The following SDK2 variants were observed in gnomAD, a reference collection of about 807,000 sequenced individuals.
SDK2 encodes the protein protein sidekick-2.
In SDK2, 105 loss-of-function variants were observed where a neutral mutation model predicts 253.9. The ratio of observed to expected loss-of-function variants is 0.41; its 90% CI spans 0.35 to 0.49. The LOEUF (loss-of-function observed/expected upper bound fraction) is 0.49, where lower values mean the gene tolerates loss of function less well. Ranked by LOEUF, SDK2 falls within the 20% of genes least tolerant of loss-of-function variation. The pLI is 0.06. For missense variants in SDK2, 2,608 were observed against 3,003.0 expected (o/e 0.87, Z 3.07); for synonymous variants, 1,249 against 1,234.9 (o/e 1.01, Z -0.24).
intron 27 of SDK2, among the ~76,000 whole-genome samples, chr17:73,393,242 CAAAA>C (rs11443969): frequency 9.4e-5 from 8 of 85,544 alleles, no homozygotes; most frequent in African/African-American, 2.6e-4. Flanking sequence ...GATACTCTAT[CAAAA>C]AAAAAAAAAA....
At chr17:73,473,665 C>A (rs2063667407) in intron 2 of SDK2, among the ~76,000 whole-genome samples, 1 of 152,216 alleles carries the variant, frequency 6.6e-6, no homozygotes, top group Admixed American at 6.5e-5. Flanking sequence ...CCTTCCGGAG[C>A]ACCATCTCTG....
intron 1 of SDK2, among the ~76,000 whole-genome samples, chr17:73,590,734 T>G (rs565718587): frequency 3.3e-5 from 5 of 152,104 alleles, no homozygotes; most frequent in African/African-American, 9.6e-5. Flanking sequence ...AGGCCCTGAG[T>G]TTTGGGTTAA....
Position 73,379,308 on chromosome 17 carries a change from G to T in SDK2, c.4865-16C>A, listed in dbSNP as rs1314887721. The T allele has an allele frequency of 1.3e-6, 2 of 1,546,672 alleles. No individual in the cohort carries two copies. The highest frequency in any genetic ancestry group is 1.8e-6 in the Non-Finnish European group (2 of 1,142,032). On this transcript the variant is annotated splice_polypyrimidine_tract_variant and intron_variant, in intron 35 of 44. Transcript: ENST00000392650. The surrounding 1 kb of genome is among the most constrained non-coding windows in gnomAD (Gnocchi z 4.5). ...GCTGTGGGCACTGGAGGGCGTGCAG[G>T]GTAGGCAGTGAGCATGCGAGTAAAC...
chr17:73,358,630 G>A (rs947776957), intron 39 of SDK2, among the ~76,000 whole-genome samples: 16 of 152,138 alleles, frequency 1.1e-4, no homozygotes, highest in African/African-American at 3.6e-4. Flanking sequence ...AGAGGTGGGT[G>A]CGATGATGGC....
chr17:73,466,837 T>G (rs2145684078), intron 3 of SDK2, among the ~76,000 whole-genome samples: 1 of 150,614 alleles, frequency 6.6e-6, no homozygotes, highest in South Asian at 2.1e-4. Context: ...CTTGTTAACA[T>G]CAGAACTGAA....
intron 1 of SDK2, among the ~76,000 whole-genome samples, chr17:73,634,417 T>C (rs774829701): frequency 2.6e-5 from 4 of 152,264 alleles, no homozygotes; most frequent in Non-Finnish European, 5.9e-5. Context: ...ATAACATTAA[T>C]ACTTTCTGGC....
At chr17:73,624,840 T>C (rs897948683) in intron 1 of SDK2, among the ~76,000 whole-genome samples, 3 of 151,630 alleles carry the variant, frequency 2.0e-5, no homozygotes, top group East Asian at 3.9e-4. Flanking sequence ...CTAGGAGGAG[T>C]GGTTATTGAG....
chr17:73,392,362 C>T (rs748028795), intron 27 of SDK2, among the ~76,000 whole-genome samples: 15 of 151,972 alleles, frequency 9.9e-5, no homozygotes, highest in African/African-American at 2.7e-4. Context: ...CTCCGCCTCC[C>T]GGGTTCAAGC....
intron 18 of SDK2, among the ~76,000 whole-genome samples, chr17:73,410,686 A>G (rs2063118257): frequency 6.6e-6 from 1 of 152,196 alleles, no homozygotes; most frequent in African/African-American, 2.4e-5. Flanking sequence ...CATTTAGTGT[A>G]CTGCCTGGCC....
rs1395550121 is a variant in SDK2 at position 73,482,305 on chromosome 17, G to C, written c.225-10087C>G. On this transcript the variant is annotated intron_variant, in intron 2 of 44. Coordinates refer to ENST00000392650, the MANE Select transcript of SDK2 (RefSeq NM_001144952.2). The stretch of plus-strand genomic sequence containing the variant: ...AGAAGAAGAAGCAGGTCTGTCTCCT[G>C]TTGGTTCTGGTTCCTCATAGGGCTG... Among the ~76,000 whole-genome samples the C allele has an allele frequency of 2.0e-5, 3 of 151,666 alleles. No homozygotes were observed. The East Asian group carries it at 5.8e-4, about 29-fold the overall frequency.
In SDK2 at chr17:73,643,996, C is replaced by G. The variant is rs1432418719; in HGVS notation, c.64+29G>C. The G allele has an allele frequency of 6.5e-7, 1 of 1,529,260 alleles. No individual in the cohort carries two copies. The highest frequency in any genetic ancestry group is 1.4e-5 in the African/African-American group (1 of 72,492). 94.7% of individuals were successfully genotyped at this position (1,529,260 alleles called of 1,614,324 possible). A position where few individuals can be genotyped will look rare whatever the true frequency, so the allele number is the denominator to read the frequency against. Reference sequence around the variant, plus strand: ...CCCCGCCCACTCTCCCAGCCCCCTCCCTGTCCCCACGTGGGGGTCCCTCCT... The same window carrying G: ...CCCCGCCCACTCTCCCAGCCCCCTCGCTGTCCCCACGTGGGGGTCCCTCCT... On this transcript the variant is annotated intron_variant, in intron 1 of 44. Coordinates refer to ENST00000392650, the MANE Select transcript of SDK2 (RefSeq NM_001144952.2). This position sits in a 1 kb window ranked among gnomAD's most constrained non-coding sequence, Gnocchi z 6.9.
At chr17:73,493,012 T>C (rs979166355) in intron 2 of SDK2, among the ~76,000 whole-genome samples, 1 of 152,084 alleles carries the variant, frequency 6.6e-6, no homozygotes, top group Non-Finnish European at 1.5e-5. Flanking sequence ...AAGCGGGAGA[T>C]TCTCAGGGTA....
intron 11 of SDK2, 34 bp from the exon 12 acceptor site, chr17:73,430,647 G>T: frequency 7.0e-7 from 1 of 1,419,962 alleles, no homozygotes; most frequent in South Asian, 1.4e-5. Context: ...ATGGTGAGAA[G>T]AGGTGTGGGG....
At chr17:73,564,353 TAAA>T (rs1458835079) in intron 1 of SDK2, among the ~76,000 whole-genome samples, 1 of 152,212 alleles carries the variant, frequency 6.6e-6, no homozygotes, top group Non-Finnish European at 1.5e-5. Context: ...GCTTAGAGTA[TAAA>T]GTCCACTTGA....
In SDK2 at chr17:73,385,853, T is replaced by C. The variant is rs1327864201; in HGVS notation, c.4563A>G (p.Arg1521=). Residue 1521 remains arginine (R), a synonymous_variant, in exon 32 of 45, where the codon CGA becomes CGG. Transcript: ENST00000392650. The part of the protein sequence containing the change: ...TPHTTTSVLI[R]WQPPAEDKIN... ...CCTGCCCGCTGGGCCATACCTGCCA[T>C]CGGATTAGCACGGAGGTGGTGGTGT... 1.9e-6 allele frequency: 3 copies of C among 1,606,884 alleles called. No homozygotes were observed. The highest frequency in any genetic ancestry group is 1.3e-5 in the African/African-American group (1 of 74,902).
chr17:73,566,198 T>G (rs1250993503), intron 1 of SDK2, among the ~76,000 whole-genome samples: 3 of 152,044 alleles, frequency 2.0e-5, no homozygotes, highest in Non-Finnish European at 4.4e-5. Flanking sequence ...ACACATCTGC[T>G]CTCCCCTTCA....
At chr17:73,470,946 G>A (rs1288360527) in intron 3 of SDK2, among the ~76,000 whole-genome samples, 1 of 152,196 alleles carries the variant, frequency 6.6e-6, no homozygotes, top group Non-Finnish European at 1.5e-5. Flanking sequence ...TGAGGAAGCC[G>A]GGACAGGGCT....
intron 39 of SDK2, among the ~76,000 whole-genome samples, chr17:73,358,824 C>A (rs1300399351): frequency 2.0e-5 from 3 of 152,078 alleles, no homozygotes; most frequent in Non-Finnish European, 2.9e-5. Context: ...GGCCTTGGGG[C>A]CTGTGCTGCT....
chr17:73,565,324 AC>A (rs2045296523), intron 1 of SDK2, among the ~76,000 whole-genome samples: 1 of 152,222 alleles, frequency 6.6e-6, no homozygotes, highest in African/African-American at 2.4e-5. Context: ...GAGGGACTGA[AC>A]AGAGATTTCT....
Sources: allele counts gnomAD v4.1 joint callset (sites outside exome capture counted in the v4.1 genomes callset), GRCh38; gene constraint gnomAD v4.1.1; non-coding constraint Gnocchi (gnomAD v3.1); transcripts MANE v1.5; gene names NCBI Gene and HGNC (gene_info 2026-07-23, HGNC 2026-07-21).